The following SMC1A variants were observed in gnomAD, a reference collection of about 807,000 sequenced individuals.
SMC1A encodes structural maintenance of chromosomes protein 1A.
In SMC1A, 4 loss-of-function variants were observed where a neutral mutation model predicts 94.5. The ratio of observed to expected loss-of-function variants is 0.04; its 90% CI spans 0.02 to 0.10. The LOEUF is 0.10. Among genes scored for constraint, SMC1A ranks in the 10% least tolerant of loss-of-function variants. SMC1A has a pLI of 1.00. For missense variants in SMC1A, 304 were observed against 989.0 expected, an observed-to-expected ratio of 0.31 and a Z score of 9.29; for synonymous variants, 345 against 347.7, an observed-to-expected ratio of 0.99 and a Z score of 0.09.
At chrX:53,398,696 G>A (rs899807905) in intron 16 of SMC1A, among the ~76,000 whole-genome samples, 2 of 111,448 alleles carry the variant, frequency 1.8e-5, no homozygotes, top group Admixed American at 9.6e-5. Context: ...AAAAGGGTCT[G>A]TGTATTACTA....
intron 1 of SMC1A, among the ~76,000 whole-genome samples, chrX:53,417,389 T>C (rs1435906380): frequency 9.2e-6 from 1 of 108,189 alleles, no homozygotes; most frequent in Non-Finnish European, 1.9e-5. Context: ...TCGTCTCTAC[T>C]AAAAATACAA....
intron 19 of SMC1A, 39 bp downstream of exon 19, chrX:53,394,739 A>AAACCCCCCCCCCCCCCC: frequency 5.3e-6 from 1 of 188,680 alleles, no homozygotes. Flanking sequence ...ACTCCCACCC[A>AAACCCCCCCCCCCCCCC]ACCCCCACCC....
intron 15 of SMC1A, among the ~76,000 whole-genome samples, chrX:53,400,973 T>C (rs1358453421): frequency 1.8e-5 from 2 of 111,903 alleles, no homozygotes; most frequent in Non-Finnish European, 3.8e-5. Flanking sequence ...ACCTTCTTCC[T>C]GACCCTGCTT....
At chrX:53,393,100 T>C (rs1266795885) in intron 19 of SMC1A, among the ~76,000 whole-genome samples, 1 of 112,080 alleles carries the variant, frequency 8.9e-6, no homozygotes, top group African/African-American at 3.2e-5. Context: ...ACTGATGTGA[T>C]GTAGAAGGAA....
chrX:53,394,865 T>A lies in SMC1A; in HGVS notation c.2886A>T (p.Ser962=). ...TGGAAATTCTCTGTGAACCACTCACTGAGTCCTCCCCCTGGGAGCTACCCT... is the reference window on the plus strand; with the variant it reads ...TGGAAATTCTCTGTGAACCACTCACAGAGTCCTCCCCCTGGGAGCTACCCT... ...QEEGSSQGED[S]VSGSQRISSI... is the part of the protein sequence containing the mutation. Residue 962 remains serine, a synonymous_variant, in exon 19 of 25, where the codon TCA becomes TCT. Coordinates refer to ENST00000322213, the MANE Select transcript of SMC1A (RefSeq NM_006306.4). 1 of 1,196,893 alleles carries A rather than the reference T, an allele frequency of 8.4e-7. No individual in the cohort carries two copies. The highest frequency in any genetic ancestry group is 1.1e-6 in the Non-Finnish European group (1 of 882,458).
chrX:53,412,929 C>T lies in SMC1A; in HGVS notation c.825G>A (p.Arg275=), dbSNP rs150488530. 3.7e-5 allele frequency: 44 copies of T among 1,197,540 alleles called. No individual in the cohort carries two copies. The highest frequency in any genetic ancestry group is 4.4e-5 in the Non-Finnish European group (39 of 884,173). The change falls in exon 5 of 25, where the codon CGG becomes CGA. Residue 275 remains arginine, a synonymous_variant. Transcript: ENST00000322213. ...EKKKELGKMM[R]EQQQIEKEIK... The stretch of plus-strand genomic sequence containing the variant: ...TCTCCTTCTCAATCTGCTGCTGCTC[C>T]CGCATCATTTTGCCCAGCTCCTTCT...
At chrX:53,416,513 C>T (rs2075732993) in intron 1 of SMC1A, among the ~76,000 whole-genome samples, 1 of 105,683 alleles carries the variant, frequency 9.5e-6, no homozygotes, top group Admixed American at 1.0e-4. Context: ...ACCTCAGCCT[C>T]CCGAATAGCT....
At chrX:53,411,959 G>A in intron 6 of SMC1A, 36 bp downstream of exon 6, 1 of 1,211,394 alleles carries the variant, frequency 8.3e-7, no homozygotes. Flanking sequence ...TGTCAGCCCA[G>A]GGATCTCCTC....
intron 1 of SMC1A, among the ~76,000 whole-genome samples, chrX:53,418,059 A>C (rs2075739016): frequency 8.9e-6 from 1 of 112,874 alleles, no homozygotes; most frequent in African/African-American, 3.2e-5. Flanking sequence ...CCAGCTATTC[A>C]AATAAATAAG....
intron 22 of SMC1A, 42 bp from the exon 23 acceptor site, chrX:53,381,129 G>T (rs1556885833): frequency 2.3e-6 from 2 of 856,474 alleles, no homozygotes; most frequent in East Asian, 3.1e-5. Flanking sequence ...GAGGCGGGGA[G>T]GGGGTGGCAA....
In SMC1A at chrX:53,396,489, T is replaced by C. The variant is rs782574044; in HGVS notation, c.2691A>G (p.Lys897=). The change falls in exon 17 of 25, where the codon AAA becomes AAG. Residue 897 remains lysine (K), a synonymous_variant. Coordinates refer to ENST00000322213, the MANE Select transcript of SMC1A (RefSeq NM_006306.4). ...KNHEMEEIRK[K]LGGANKEMTH... ...CCACTCACTTGTTGGCGCCCCCGAGTTTCTTACGAATCTCCTCCATCTCAT... is the reference window on the plus strand; with the variant it reads ...CCACTCACTTGTTGGCGCCCCCGAGCTTCTTACGAATCTCCTCCATCTCAT... The C allele has an allele frequency of 8.4e-5, 101 of 1,208,972 alleles. No homozygotes were observed. The highest frequency in any genetic ancestry group is 1.1e-4 in the Non-Finnish European group (98 of 895,023).
In SMC1A at chrX:53,396,462, A is replaced by G; in HGVS notation, c.2708+10T>C. 8.3e-7 allele frequency: 1 copy of G among 1,210,401 alleles called. No individual in the cohort carries two copies. Among genetic ancestry groups the G allele is most frequent in the Non-Finnish European group, 1.1e-6 (1 of 895,110 alleles). On this transcript the variant is annotated intron_variant, in intron 17 of 24. Coordinates refer to ENST00000322213, the MANE Select transcript of SMC1A (RefSeq NM_006306.4). ...CTACGTCCTCCCACCCCAGGCCTGA[A>G]CCCACTCACTTGTTGGCGCCCCCGA...
intron 1 of SMC1A, 94 bp from the exon 2 acceptor site, chrX:53,415,263 A>G: frequency 2.8e-6 from 2 of 709,846 alleles, no homozygotes; most frequent in South Asian, 4.5e-5. Context: ...AATGTCCCCT[A>G]ATCACTCAGT....
At chrX:53,408,034 G>A (rs1309851652) in intron 9 of SMC1A, among the ~76,000 whole-genome samples, 1 of 111,449 alleles carries the variant, frequency 9.0e-6, no homozygotes, top group Non-Finnish European at 1.9e-5. Flanking sequence ...CAAGCACTTA[G>A]CAAAATAAAT....
At chrX:53,383,332 G>C (rs1556886148) in intron 19 of SMC1A, 79 bp from the exon 20 acceptor site, 18 of 1,030,425 alleles carry the variant, frequency 1.7e-5, no homozygotes, top group East Asian at 6.7e-5. Context: ...GACTGACTGA[G>C]TGTGGCCTGG....
chrX:53,399,761 A>G, intron 15 of SMC1A, 31 bp from the exon 16 acceptor site: 1 of 1,187,337 alleles, frequency 8.4e-7, no homozygotes, highest in Non-Finnish European at 1.1e-6. Context: ...AGAATCACTC[A>G]TAATCTCATC....
chrX:53,417,763 C>T (rs1425862352), intron 1 of SMC1A, among the ~76,000 whole-genome samples: 9 of 111,224 alleles, frequency 8.1e-5, no homozygotes, highest in African/African-American at 2.9e-4. Context: ...AGTGGTAGTA[C>T]AGGAGAATGA....
intron 1 of SMC1A, among the ~76,000 whole-genome samples, chrX:53,418,300 A>G (rs2075739987): frequency 1.8e-5 from 2 of 112,029 alleles, no homozygotes; most frequent in Admixed American, 1.9e-4. Flanking sequence ...ACACCTAGTT[A>G]ATTTTTGTAT....
At chrX:53,419,696 C>T (rs2075747044) in intron 1 of SMC1A, among the ~76,000 whole-genome samples, 2 of 108,901 alleles carry the variant, frequency 1.8e-5, no homozygotes, top group African/African-American at 6.7e-5. Flanking sequence ...TAGTGGTGCA[C>T]GCCTGTAATC....
Sources: allele counts gnomAD v4.1 joint callset (sites outside exome capture counted in the v4.1 genomes callset), GRCh38; gene constraint gnomAD v4.1.1; transcripts MANE v1.5; gene names NCBI Gene and HGNC (gene_info 2026-07-23, HGNC 2026-07-21).